Variants in TBCK observed in about 807,000 individuals in gnomAD.
TBCK encodes TBC domain-containing protein kinase-like protein.
Under a neutral mutation model 113.4 loss-of-function variants are expected in TBCK, and 99 were observed. The observed-to-expected ratio is 0.87, with a 90% confidence interval of 0.74 to 1.03. TBCK has a LOEUF of 1.03. Ranked by LOEUF, TBCK falls within the 50% of genes least tolerant of loss-of-function variation. TBCK has a pLI of 0.00. For synonymous variants in TBCK, 369 were observed against 370.8 expected, an observed-to-expected ratio of 1.00 and a Z score of 0.05; for missense variants, 1,045 against 1,061.3, an observed-to-expected ratio of 0.98 and a Z score of 0.21.
chr4:106,214,907 T>C (rs900324540), intron 19 of TBCK, among the ~76,000 whole-genome samples: 27 of 151,576 alleles, frequency 1.8e-4, no homozygotes, highest in Non-Finnish European at 4.0e-4. Flanking sequence ...CCAAGACACA[T>C]AATAGTCAGA....
At chr4:106,270,352 G>C (rs188778804) in intron 3 of TBCK, among the ~76,000 whole-genome samples, 203 of 152,128 alleles carry the variant, frequency 1.3e-3, no homozygotes, top group African/African-American at 4.6e-3. Flanking sequence ...CTTCTCCTAA[G>C]CATTTTTTCC....
At chr4:106,111,742 C>T (rs917432573) in intron 24 of TBCK, among the ~76,000 whole-genome samples, 2 of 152,160 alleles carry the variant, frequency 1.3e-5, no homozygotes, top group African/African-American at 4.8e-5. Context: ...ATGTCTTTCT[C>T]CTTGGAAATA....
At chr4:106,285,062 C>G (rs1254922360) in intron 3 of TBCK, among the ~76,000 whole-genome samples, 2 of 152,022 alleles carry the variant, frequency 1.3e-5, no homozygotes, top group Non-Finnish European at 2.9e-5. Flanking sequence ...TTAACTTAAA[C>G]TGAAGAGAAA....
Position 106,155,569 on chromosome 4 carries a change from T to C in TBCK, c.2235+15526A>G, listed in dbSNP as rs572968924. Among the ~76,000 whole-genome samples, 4 of 152,264 alleles carry C rather than the reference T, an allele frequency of 2.6e-5. No homozygotes were observed. The East Asian group carries it at 7.7e-4, about 29-fold the overall frequency. ...AGACCCTATAGGTATGCTTCATTGT[T>C]TTTTATTCTTTTCTCTTTTGTCTCC... On this transcript the variant is annotated intron_variant, in intron 23 of 25. Coordinates refer to ENST00000394708, the MANE Select transcript of TBCK (RefSeq NM_001163435.3).
chr4:106,073,932 T>C (rs1737844630), intron 25 of TBCK, among the ~76,000 whole-genome samples: 1 of 152,188 alleles, frequency 6.6e-6, no homozygotes, highest in Non-Finnish European at 1.5e-5. Context: ...AGGCACAGGA[T>C]ATAATCTCCT....
chr4:106,082,905 A>G (rs1739059128), intron 25 of TBCK, among the ~76,000 whole-genome samples: 1 of 152,230 alleles, frequency 6.6e-6, no homozygotes, highest in Admixed American at 6.5e-5. Flanking sequence ...GTGAGTGAGC[A>G]CACTACCCAG....
At chr4:106,121,787 C>T (rs1191383555) in intron 23 of TBCK, among the ~76,000 whole-genome samples, 3 of 152,112 alleles carry the variant, frequency 2.0e-5, no homozygotes, top group Non-Finnish European at 4.4e-5. Context: ...GGATACATGA[C>T]GAAATGAAGG....
At chr4:106,165,179 C>T (rs1048345778) in intron 23 of TBCK, among the ~76,000 whole-genome samples, 9 of 151,544 alleles carry the variant, frequency 5.9e-5, no homozygotes, top group East Asian at 3.9e-4. Context: ...AAATACATTC[C>T]GTTCAAAAAC....
chr4:106,062,379 G>C (rs1736149961), intron 25 of TBCK, among the ~76,000 whole-genome samples: 1 of 151,694 alleles, frequency 6.6e-6, no homozygotes, highest in Non-Finnish European at 1.5e-5. Context: ...TAAGTCTTGT[G>C]GTAAATTTTC....
chr4:106,055,667 T>C lies in TBCK; in HGVS notation c.2572-8987A>G, dbSNP rs542924256. Among the ~76,000 whole-genome samples the C allele has an allele frequency of 2.6e-5, 4 of 151,752 alleles. No homozygotes were observed. The South Asian group carries it at 8.3e-4, about 31-fold the overall frequency. The stretch of plus-strand genomic sequence containing the variant: ...CCTTTGATCTTATTTTCTTTGTAAA[T>C]TTCTTCTACTAATCACTTGCACTTA... On this transcript the variant is annotated intron_variant, in intron 25 of 25. Transcript: ENST00000394708.
At chr4:106,050,875 A>G (rs1734729716) in intron 25 of TBCK, among the ~76,000 whole-genome samples, 1 of 151,938 alleles carries the variant, frequency 6.6e-6, no homozygotes, top group African/African-American at 2.4e-5. Context: ...GTATTTTCAC[A>G]GTTCCTCTGG....
At chr4:106,230,082 G>C (rs1297155152) in intron 19 of TBCK, among the ~76,000 whole-genome samples, 1 of 151,896 alleles carries the variant, frequency 6.6e-6, no homozygotes, top group Non-Finnish European at 1.5e-5. Flanking sequence ...GAGCAATTTT[G>C]ATTGTGAAAA....
chr4:106,308,452 T>A (rs758189457), intron 2 of TBCK, among the ~76,000 whole-genome samples: 26 of 152,124 alleles, frequency 1.7e-4, no homozygotes, highest in Non-Finnish European at 3.4e-4. Context: ...GCAACTCAGC[T>A]TGGCTGGCAT....
chr4:106,168,941 C>T (rs1353280192), intron 23 of TBCK, among the ~76,000 whole-genome samples: 1 of 151,840 alleles, frequency 6.6e-6, no homozygotes, highest in Middle Eastern at 3.2e-3. Context: ...AAATCGGAAA[C>T]ATTCTGAGTA....
At chr4:106,218,506 C>T (rs1256262761) in intron 19 of TBCK, among the ~76,000 whole-genome samples, 1 of 129,732 alleles carries the variant, frequency 7.7e-6, no homozygotes, top group East Asian at 2.2e-4. Context: ...CTACAATGAA[C>T]TCAAACAAAT....
At chr4:106,054,092 A>G (rs762922791) in intron 25 of TBCK, among the ~76,000 whole-genome samples, 14 of 151,738 alleles carry the variant, frequency 9.2e-5, no homozygotes, top group Non-Finnish European at 1.9e-4. Context: ...GACATTTCAC[A>G]TAACCTGTCA....
chr4:106,059,168 C>T (rs184591340), intron 25 of TBCK, among the ~76,000 whole-genome samples: 3 of 149,894 alleles, frequency 2.0e-5, no homozygotes, highest in East Asian at 3.9e-4. Flanking sequence ...GTTTCTTAGC[C>T]TTTTTGGCCT....
intron 23 of TBCK, among the ~76,000 whole-genome samples, chr4:106,139,374 C>T (rs1450642352): frequency 5.6e-5 from 8 of 141,632 alleles, no homozygotes; most frequent in African/African-American, 2.0e-4. Context: ...ATCAGCCAAC[C>T]ATTTACATTT....
chr4:106,295,624 A>G (rs1560983734), intron 2 of TBCK, among the ~76,000 whole-genome samples: 1 of 152,212 alleles, frequency 6.6e-6, no homozygotes, highest in Non-Finnish European at 1.5e-5. Flanking sequence ...GATCTGAATC[A>G]TAACTATAGA....
Sources: gnomAD v4.1 joint callset for allele counts (sites outside exome capture counted in the v4.1 genomes callset) on GRCh38, gnomAD v4.1.1 for gene constraint, MANE v1.5 for transcripts, NCBI Gene and HGNC (gene_info 2026-07-23, HGNC 2026-07-21) for gene names.